NIBAN1: variants seen among roughly 807,000 people sequenced by gnomAD.
NIBAN1 encodes protein Niban 1.
NIBAN1 carries 81 observed loss-of-function variants against 75.1 expected under a neutral mutation model. The ratio of observed to expected loss-of-function variants is 1.08; its 90% CI spans 0.90 to 1.30. The LOEUF (loss-of-function observed/expected upper bound fraction) is 1.30. Ranked by LOEUF, NIBAN1 falls within the 50% of genes most tolerant of loss-of-function variation. The pLI is 0.00. For missense variants in NIBAN1, 1,133 were observed against 1,128.1 expected, an observed-to-expected ratio of 1.00 and a Z score of -0.06; for synonymous variants, 436 against 424.8, an observed-to-expected ratio of 1.03 and a Z score of -0.32.
At chr1:184,931,857 T>C (rs1657833403) in intron 1 of NIBAN1, among the ~76,000 whole-genome samples, 1 of 152,236 alleles carries the variant, frequency 6.6e-6, no homozygotes, top group Non-Finnish European at 1.5e-5. Context: ...ACAGCACTTT[T>C]TTCTTAAAGG....
intron 6 of NIBAN1, among the ~76,000 whole-genome samples, chr1:184,831,636 T>C (rs547419295): frequency 1.3e-5 from 2 of 152,352 alleles, no homozygotes; most frequent in East Asian, 3.9e-4. Flanking sequence ...TGTTTTTGGC[T>C]GCCCTATTTC....
intron 10 of NIBAN1, 26 bp from the exon 11 acceptor site, chr1:184,806,082 C>G: frequency 6.3e-7 from 1 of 1,590,730 alleles, no homozygotes; most frequent in South Asian, 1.1e-5. Context: ...GACACAGAAA[C>G]AGACAACAGT....
At chr1:184,965,612 A>G (rs1195718036) in intron 1 of NIBAN1, among the ~76,000 whole-genome samples, 1 of 152,214 alleles carries the variant, frequency 6.6e-6, no homozygotes, top group South Asian at 2.1e-4. Flanking sequence ...ACATGGACAC[A>G]TAGAAGGGAA....
At chr1:184,896,845 T>C (rs1366223143) in intron 2 of NIBAN1, among the ~76,000 whole-genome samples, 2 of 152,076 alleles carry the variant, frequency 1.3e-5, no homozygotes, top group Non-Finnish European at 2.9e-5. Flanking sequence ...CAAAGATCAG[T>C]TGGTTGTAGG....
intron 8 of NIBAN1, among the ~76,000 whole-genome samples, 175 bp downstream of exon 8, chr1:184,822,992 C>G (rs115129964): frequency 6.6e-6 from 1 of 152,146 alleles, no homozygotes; most frequent in Non-Finnish European, 1.5e-5. Context: ...GAAGCTTCCA[C>G]GGGAAGGCCC....
intron 5 of NIBAN1, among the ~76,000 whole-genome samples, chr1:184,869,936 T>G (rs887035107): frequency 6.6e-6 from 1 of 152,184 alleles, no homozygotes; most frequent in Non-Finnish European, 1.5e-5. Flanking sequence ...TAATACAATT[T>G]GAGAAAAATA....
chr1:184,794,780 A>G lies in NIBAN1; in HGVS notation c.*197T>C, dbSNP rs954211117. 12 of 691,046 alleles carry G rather than the reference A, an allele frequency of 1.7e-5. No homozygotes were observed. In the African/African-American group the frequency reaches 2.2e-4, roughly 12 times the overall value. 42.8% of individuals were successfully genotyped at this position (691,046 alleles called of 1,614,324 possible). A position where few individuals can be genotyped will look rare whatever the true frequency, so the allele number is the denominator to read the frequency against. ...ATTCTTATTAAAATACTAAAGCAAA[A>G]ATTCATCGTAGAACAATTCATGTCC... On this transcript the variant is annotated 3_prime_UTR_variant, in exon 14 of 14. Transcript: ENST00000367511.
intron 1 of NIBAN1, among the ~76,000 whole-genome samples, chr1:184,948,661 T>C (rs967625642): frequency 3.3e-5 from 5 of 152,128 alleles, no homozygotes. Flanking sequence ...AATTACAGGA[T>C]ATACGACAGC....
At chr1:184,882,383 A>C (rs1656400483) in intron 5 of NIBAN1, among the ~76,000 whole-genome samples, 1 of 152,204 alleles carries the variant, frequency 6.6e-6, no homozygotes, top group Non-Finnish European at 1.5e-5. Context: ...CGAGAAAAGA[A>C]AGGTCTGCTC....
At chr1:184,944,376 A>G (rs964332764) in intron 1 of NIBAN1, among the ~76,000 whole-genome samples, 5 of 152,352 alleles carry the variant, frequency 3.3e-5, no homozygotes, top group African/African-American at 9.6e-5. Context: ...CTAAGAAGTC[A>G]CAAGCTGAAG....
At chr1:184,931,352 T>C (rs1308755853) in intron 1 of NIBAN1, among the ~76,000 whole-genome samples, 17 of 152,222 alleles carry the variant, frequency 1.1e-4, no homozygotes, top group Non-Finnish European at 5.9e-5. Flanking sequence ...TGCAGTCTTA[T>C]AACTGGCTTC....
chr1:184,829,159 C>A (rs182522485), intron 6 of NIBAN1, among the ~76,000 whole-genome samples: 2 of 152,216 alleles, frequency 1.3e-5, no homozygotes, highest in East Asian at 3.9e-4. Flanking sequence ...CTCTTTTCTG[C>A]TTTTTTTGTT....
chr1:184,892,007 C>T (rs1349762142), intron 3 of NIBAN1, among the ~76,000 whole-genome samples: 3 of 152,116 alleles, frequency 2.0e-5, no homozygotes, highest in Non-Finnish European at 4.4e-5. Flanking sequence ...GTGCAATGTA[C>T]AAACTGCAAG....
chr1:184,820,328 C>T (rs1338936526), intron 8 of NIBAN1, among the ~76,000 whole-genome samples: 1 of 152,058 alleles, frequency 6.6e-6, no homozygotes. Flanking sequence ...ACAGGAGGGC[C>T]GTGGGAGGGT....
In NIBAN1 at chr1:184,828,540, C is replaced by T. The variant is rs148359912; in HGVS notation, c.717+3307G>A. On this transcript the variant is annotated intron_variant, in intron 6 of 13. Transcript: ENST00000367511. ...GTAGACACTGCTTTACTGTTATGCA[C>T]CATGTCTTAGAGTCTGAGGGGAACT... 5.9e-5 allele frequency among the ~76,000 whole-genome samples: 9 copies of T among 152,326 alleles called. No homozygotes were observed. In the East Asian group the frequency reaches 1.7e-3, roughly 29 times the overall value.
At chr1:184,875,580 C>A (rs547762900) in intron 5 of NIBAN1, among the ~76,000 whole-genome samples, 3 of 152,294 alleles carry the variant, frequency 2.0e-5, no homozygotes, top group South Asian at 4.1e-4. Context: ...GTGACCTATT[C>A]TTGAAAGTCA....
In NIBAN1 at chr1:184,974,242, G is replaced by T. The variant is rs542589392; in HGVS notation, c.55+60C>A. ...GCGCGCCCCTTGGGGCCCCGACCGC[G>T]GCAGCCAGCCTGGTGCACGGGTCAG... is the stretch of plus-strand genomic sequence containing the variant. On this transcript the variant is annotated intron_variant, in intron 1 of 13. Transcript: ENST00000367511. The T allele has an allele frequency of 9.1e-6, 13 of 1,427,028 alleles. No homozygotes were observed. In the East Asian group the frequency reaches 3.6e-4, roughly 40 times the overall value. The allele number at this position is 1,427,028 out of a possible 1,614,324, so 88.4% of individuals were successfully genotyped here. A position where few individuals can be genotyped will look rare whatever the true frequency, so the allele number is the denominator to read the frequency against.
chr1:184,965,743 C>A (rs569831525), intron 1 of NIBAN1, among the ~76,000 whole-genome samples: 1 of 152,258 alleles, frequency 6.6e-6, no homozygotes, highest in South Asian at 2.1e-4. Flanking sequence ...CAACAAGCCC[C>A]CACGGCGCTT....
chr1:184,912,924 C>T lies in NIBAN1; in HGVS notation c.56-13615G>A, dbSNP rs534360601. Among the ~76,000 whole-genome samples, 192 of 152,142 alleles carry T rather than the reference C, an allele frequency of 1.3e-3. 1 individual carries two copies. The highest frequency in any genetic ancestry group is 4.2e-3 in the South Asian group (20 of 4,818). On this transcript the variant is annotated intron_variant, in intron 1 of 13. Transcript: ENST00000367511. ...TGGGCTGGATTTTAGCTCTGCTTGC[C>T]CATTGGCCCCAGGCCTACTGAATCA...
Sources: allele counts gnomAD v4.1 joint callset (sites outside exome capture counted in the v4.1 genomes callset), GRCh38; gene constraint gnomAD v4.1.1; transcripts MANE v1.5; gene names NCBI Gene and HGNC (gene_info 2026-07-23, HGNC 2026-07-21).